PCDHGA8: variants seen among roughly 807,000 people sequenced by gnomAD.
The protein encoded by PCDHGA8 is protocadherin gamma subfamily A, 8.
PCDHGA8 carries 45 observed loss-of-function variants against 59.2 expected under a neutral mutation model. The observed-to-expected ratio is 0.76, with a 90% CI of 0.60 to 0.98. The LOEUF (loss-of-function observed/expected upper bound fraction) is 0.98. Ranked by LOEUF, PCDHGA8 falls within the 50% of genes least tolerant of loss-of-function variation. PCDHGA8 has a pLI of 0.00. For synonymous variants in PCDHGA8, 531 were observed against 519.0 expected (o/e 1.02, Z -0.32); for missense variants, 1,257 against 1,196.2 (o/e 1.05, Z -0.75).
chr5:141,398,067 C>T, intron 1 of PCDHGA8: 1 of 1,577,626 alleles, frequency 6.3e-7, no homozygotes, highest in Non-Finnish European at 8.6e-7. Flanking sequence ...ATCTACAATA[C>T]AGAGGTTATT....
intron 1 of PCDHGA8, among the ~76,000 whole-genome samples, chr5:141,467,789 G>A (rs1264350552): frequency 6.6e-6 from 1 of 152,066 alleles, no homozygotes; most frequent in Non-Finnish European, 1.5e-5. Context: ...CTCTCAAGTA[G>A]CTGGGACTAC....
rs1235728365 is a variant in PCDHGA8 at position 141,485,502 on chromosome 5, C to T, written c.2425-9305C>T. ...TGCATCGTGCCCCTGGAGTTTGTCACCGAAGGTCCTTTGGAAATGTACCGA... is the reference window on the plus strand; with the variant it reads ...TGCATCGTGCCCCTGGAGTTTGTCATCGAAGGTCCTTTGGAAATGTACCGA... On this transcript the variant is annotated intron_variant, in intron 1 of 3. Transcript: ENST00000398604. This position sits in a 1 kb window ranked among gnomAD's most constrained non-coding sequence, Gnocchi z 5.7. 2 of 1,614,114 alleles carry T rather than the reference C, an allele frequency of 1.2e-6. No homozygotes were observed. Among genetic ancestry groups the T allele is most frequent in the Non-Finnish European group, 8.5e-7 (1 of 1,180,044 alleles).
chr5:141,418,864 A>T, intron 1 of PCDHGA8: 1 of 1,614,046 alleles, frequency 6.2e-7, no homozygotes, highest in Non-Finnish European at 8.5e-7. Context: ...AAGTAATTGT[A>T]GAAGTTGTAG....
At chr5:141,505,935 C>T (rs2099849264) in intron 3 of PCDHGA8, among the ~76,000 whole-genome samples, 1 of 152,146 alleles carries the variant, frequency 6.6e-6, no homozygotes, top group African/African-American at 2.4e-5. Flanking sequence ...CGCTTGGAAG[C>T]CCTCAAGCAA....
Position 141,477,588 on chromosome 5 carries a change from G to T in PCDHGA8, c.2425-17219G>T. 1 of 1,614,152 alleles carries T rather than the reference G, an allele frequency of 6.2e-7. No individual in the cohort carries two copies. The highest frequency in any genetic ancestry group is 8.5e-7 in the Non-Finnish European group (1 of 1,180,040). ...GACCCCGACGCCCCGCAGAATGCTCGGCTTTCTTTCTTTCTCTTGGAGCAA... is the reference window on the plus strand; with the variant it reads ...GACCCCGACGCCCCGCAGAATGCTCTGCTTTCTTTCTTTCTCTTGGAGCAA... On this transcript the variant is annotated intron_variant, in intron 1 of 3. Coordinates refer to ENST00000398604, the MANE Select transcript of PCDHGA8 (RefSeq NM_032088.2). This position sits in a 1 kb window ranked among gnomAD's most constrained non-coding sequence, Gnocchi z 4.9.
intron 1 of PCDHGA8, among the ~76,000 whole-genome samples, chr5:141,465,038 G>T (rs1297185291): frequency 6.6e-6 from 1 of 151,642 alleles, no homozygotes; most frequent in Non-Finnish European, 1.5e-5. Flanking sequence ...CACCACAAAT[G>T]ACCCTATATA....
intron 2 of PCDHGA8, among the ~76,000 whole-genome samples, chr5:141,500,421 G>A (rs1247202322): frequency 6.6e-6 from 1 of 151,852 alleles, no homozygotes; most frequent in Non-Finnish European, 1.5e-5. Flanking sequence ...GTGTTAGCCA[G>A]GATGGTCTCG....
intron 1 of PCDHGA8, among the ~76,000 whole-genome samples, chr5:141,478,961 C>T (rs887338339): frequency 6.6e-6 from 1 of 152,206 alleles, no homozygotes; most frequent in Non-Finnish European, 1.5e-5. Context: ...CCTCATTCCT[C>T]CACCTTTCAA....
rs372827164 is a variant in PCDHGA8, at chr5:141,394,334, C to T, written c.1521C>T (p.Ile507=). The change falls in exon 1 of 4, where the codon ATC becomes ATT. Residue 507 remains isoleucine, a synonymous_variant. Coordinates refer to ENST00000398604, the MANE Select transcript of PCDHGA8 (RefSeq NM_032088.2). The part of the protein sequence containing the change: ...QGAPLSSYIS[I]NSDTGVLYAL... The stretch of plus-strand genomic sequence containing the variant: ...CGCCCCTGTCCTCGTATATCTCCAT[C>T]AACTCTGACACCGGTGTCCTGTATG... The T allele has an allele frequency of 1.2e-3, 1,991 of 1,614,118 alleles. 3 individuals carry two copies. The highest frequency in any genetic ancestry group is 1.6e-3 in the Non-Finnish European group (1,898 of 1,179,978).
intron 1 of PCDHGA8, chr5:141,410,095 C>T (rs2095356889): frequency 1.2e-6 from 2 of 1,612,676 alleles, no homozygotes; most frequent in Non-Finnish European, 1.7e-6. Flanking sequence ...CGGCTCGAGC[C>T]TTAGGCGACA....
chr5:141,476,747 C>A lies in PCDHGA8; in HGVS notation c.2425-18060C>A. 1 of 1,614,066 alleles carries A rather than the reference C, an allele frequency of 6.2e-7. No homozygotes were observed. The highest frequency in any genetic ancestry group is 1.3e-5 in the African/African-American group (1 of 75,074). On this transcript the variant is annotated intron_variant, in intron 1 of 3. Transcript: ENST00000398604. The surrounding 1 kb of genome is among the most constrained non-coding windows in gnomAD (Gnocchi z 7.6). ...GGACCGAGAACGGGAGCCTAGTCTCCAGTTAGTGCTGACGGCGTTGGACGG... is the reference window on the plus strand; with the variant it reads ...GGACCGAGAACGGGAGCCTAGTCTCAAGTTAGTGCTGACGGCGTTGGACGG...
Position 141,491,536 on chromosome 5 carries a change from C to T in PCDHGA8, c.2425-3271C>T, listed in dbSNP as rs746800813. 1.2e-6 allele frequency: 2 copies of T among 1,614,006 alleles called. No individual in the cohort carries two copies. Among genetic ancestry groups the T allele is most frequent in the Admixed American group, 3.3e-5 (2 of 60,030 alleles). On this transcript the variant is annotated intron_variant, in intron 1 of 3. Coordinates refer to ENST00000398604, the MANE Select transcript of PCDHGA8 (RefSeq NM_032088.2). This position sits in a 1 kb window ranked among gnomAD's most constrained non-coding sequence, Gnocchi z 6.9. ...CAAGTACATGGAGGTGACGCTGCGG[C>T]CCACAGACTCGCAGAGCCACTGCTA...
At chr5:141,452,460 G>A (rs750887712) in intron 1 of PCDHGA8, among the ~76,000 whole-genome samples, 1 of 152,140 alleles carries the variant, frequency 6.6e-6, no homozygotes, top group Non-Finnish European at 1.5e-5. Flanking sequence ...GTCAGCAGAC[G>A]GAGCTAGGAA....
intron 1 of PCDHGA8, chr5:141,478,540 C>T (rs1221128622): frequency 6.2e-7 from 1 of 1,606,412 alleles, no homozygotes; most frequent in East Asian, 2.2e-5. Context: ...GCGCCCCTCC[C>T]GGACAGGTAA....
chr5:141,429,510 T>A (rs2097220128), intron 1 of PCDHGA8, among the ~76,000 whole-genome samples: 1 of 152,124 alleles, frequency 6.6e-6, no homozygotes, highest in African/African-American at 2.4e-5. Context: ...AAACTGTGCC[T>A]GGCAGAGAAA....
In PCDHGA8 at chr5:141,393,731, T is replaced by C. The variant is rs1268576228; in HGVS notation, c.918T>C (p.Ser306=). 6.2e-7 allele frequency: 1 copy of C among 1,613,754 alleles called. No homozygotes were observed. Among genetic ancestry groups the C allele is most frequent in the Non-Finnish European group, 8.5e-7 (1 of 1,179,868 alleles). The change falls in exon 1 of 4, where the codon AGT becomes AGC. Residue 306 remains serine, a synonymous_variant. Transcript: ENST00000398604. ...ENTGEISIAK[S]LDYEECSFYE... is the part of the protein sequence containing the mutation. ...CTGGGGAAATATCAATAGCAAAAAG[T>C]CTAGATTATGAAGAATGTTCATTTT... is the stretch of plus-strand genomic sequence containing the variant.
At chr5:141,403,196 G>A (rs762413220) in intron 1 of PCDHGA8, 6 of 1,613,986 alleles carry the variant, frequency 3.7e-6, no homozygotes, top group East Asian at 4.5e-5. Flanking sequence ...CCCGCGCAGC[G>A]GCACCTTGGT....
At chr5:141,445,490 C>A (rs1181158971) in intron 1 of PCDHGA8, among the ~76,000 whole-genome samples, 1 of 152,134 alleles carries the variant, frequency 6.6e-6, no homozygotes, top group African/African-American at 2.4e-5. Flanking sequence ...AGTTAATGGG[C>A]CCTATTCTAA....
chr5:141,439,697 A>T (rs2098127217), intron 1 of PCDHGA8, among the ~76,000 whole-genome samples: 1 of 152,218 alleles, frequency 6.6e-6, no homozygotes, highest in Non-Finnish European at 1.5e-5. Flanking sequence ...CAACATTCCT[A>T]TTATGGCTCC....
Sources: allele counts gnomAD v4.1 joint callset (sites outside exome capture counted in the v4.1 genomes callset), GRCh38; gene constraint gnomAD v4.1.1; non-coding constraint Gnocchi (gnomAD v3.1); transcripts MANE v1.5; gene names NCBI Gene and HGNC (gene_info 2026-07-23, HGNC 2026-07-21).